DACH2: variants seen among roughly 807,000 people sequenced by gnomAD.
DACH2 encodes dachshund homolog 2.
Under a neutral mutation model 35.8 loss-of-function variants are expected in DACH2, and 17 were observed. That is an observed-to-expected ratio of 0.48 (90% CI 0.33 to 0.71). The LOEUF (loss-of-function observed/expected upper bound fraction) is 0.71. Ranked by LOEUF, DACH2 falls within the 30% of genes least tolerant of loss-of-function variation. The pLI is 0.02. For synonymous variants in DACH2, 195 were observed against 177.3 expected (o/e 1.10, Z -0.79); for missense variants, 469 against 472.7 (o/e 0.99, Z 0.07).
intron 1 of DACH2, among the ~76,000 whole-genome samples, chrX:86,298,389 A>G (rs1361806061): frequency 1.8e-5 from 2 of 112,016 alleles, no homozygotes; most frequent in Non-Finnish European, 3.8e-5. Flanking sequence ...ACTGACTAAT[A>G]TGAATATTGT....
chrX:86,739,474 A>AT (rs762466474), intron 6 of DACH2, among the ~76,000 whole-genome samples: 4 of 111,884 alleles, frequency 3.6e-5, no homozygotes, highest in Admixed American at 9.5e-5. Context: ...TCATTTATGA[A>AT]TTTTTTAGCA....
intron 1 of DACH2, among the ~76,000 whole-genome samples, chrX:86,359,621 C>T (rs776740036): frequency 9.4e-4 from 104 of 110,893 alleles, no homozygotes; most frequent in African/African-American, 3.1e-3. Flanking sequence ...CAGTGGTGCA[C>T]GTCTGTAGTC....
At chrX:86,313,124 C>T (rs1000086556) in intron 1 of DACH2, among the ~76,000 whole-genome samples, 8 of 110,884 alleles carry the variant, frequency 7.2e-5, no homozygotes, top group Non-Finnish European at 1.5e-4. Flanking sequence ...ATAATATATA[C>T]ATGTATTGAA....
intron 2 of DACH2, among the ~76,000 whole-genome samples, chrX:86,445,533 G>GAAAAAAAAA (rs200382737): frequency 2.6e-4 from 6 of 23,421 alleles, no homozygotes; most frequent in Non-Finnish European, 5.3e-4. Context: ...AGAAAAAAAA[G>GAAAAAAAAA]AAAAAAAAAA....
chrX:86,174,178 A>G (rs1252423674), intron 1 of DACH2, among the ~76,000 whole-genome samples: 6 of 96,837 alleles, frequency 6.2e-5, no homozygotes, highest in African/African-American at 2.4e-4. Context: ...GCTGGAGTGC[A>G]GTGGCATGAT....
intron 1 of DACH2, among the ~76,000 whole-genome samples, chrX:86,324,339 G>A (rs759623086): frequency 1.8e-5 from 2 of 111,202 alleles, no homozygotes; most frequent in African/African-American, 3.3e-5. Flanking sequence ...AAAGACAGTG[G>A]TTTCTTGAGA....
chrX:86,537,647 C>A (rs1379170820), intron 3 of DACH2, among the ~76,000 whole-genome samples: 1 of 111,675 alleles, frequency 9.0e-6, no homozygotes, highest in Non-Finnish European at 1.9e-5. Context: ...ACACAGCAAC[C>A]TGAATTCTTT....
chrX:86,679,470 T>C (rs1369676857), intron 4 of DACH2, among the ~76,000 whole-genome samples: 1 of 112,058 alleles, frequency 8.9e-6, no homozygotes, highest in Non-Finnish European at 1.9e-5. Flanking sequence ...ATGAAAACTT[T>C]AAAATGCCAA....
At chrX:86,293,813 C>T (rs1263405587) in intron 1 of DACH2, among the ~76,000 whole-genome samples, 3 of 111,201 alleles carry the variant, frequency 2.7e-5, no homozygotes, top group East Asian at 2.8e-4. Context: ...TGATGGGCTT[C>T]CCTTTGAGGG....
chrX:86,301,943 G>A lies in DACH2; in HGVS notation c.489-74881G>A, dbSNP rs186295273. 1.2e-4 allele frequency among the ~76,000 whole-genome samples: 13 copies of A among 110,900 alleles called. No homozygotes were observed. The East Asian group carries it at 3.4e-3, about 29-fold the overall frequency. The stretch of plus-strand genomic sequence containing the variant: ...TCTTTCTCTTCTGCTGTTTTACAAA[G>A]CCTTAAAATAAATAAGGAGAATTTG... On this transcript the variant is annotated intron_variant, in intron 1 of 11. Transcript: ENST00000373125.
At chrX:86,497,294 T>A (rs2038186116) in intron 2 of DACH2, among the ~76,000 whole-genome samples, 1 of 111,967 alleles carries the variant, frequency 8.9e-6, no homozygotes, top group South Asian at 3.8e-4. Context: ...CCTTACAATA[T>A]TGGTTTTAAC....
chrX:86,641,533 A>G (rs1478735174), intron 3 of DACH2, among the ~76,000 whole-genome samples: 3 of 112,425 alleles, frequency 2.7e-5, no homozygotes, highest in African/African-American at 9.7e-5. Context: ...TATATATTTC[A>G]GAAGATTGTT....
chrX:86,414,378 A>G (rs1231190742), intron 2 of DACH2, among the ~76,000 whole-genome samples: 1 of 111,499 alleles, frequency 9.0e-6, no homozygotes, highest in Non-Finnish European at 1.9e-5. Flanking sequence ...GCTGTCCATT[A>G]TGGTTACTAT....
chrX:86,563,294 A>G (rs1376188837), intron 3 of DACH2, among the ~76,000 whole-genome samples: 2 of 109,978 alleles, frequency 1.8e-5, no homozygotes, highest in African/African-American at 3.3e-5. Flanking sequence ...TATAGCACCA[A>G]TGAAGACATA....
chrX:86,495,895 A>T (rs1178281821), intron 2 of DACH2, among the ~76,000 whole-genome samples: 1 of 111,465 alleles, frequency 9.0e-6, no homozygotes, highest in Non-Finnish European at 1.9e-5. Context: ...CTTTTCTAAA[A>T]AATGGAACAA....
intron 1 of DACH2, among the ~76,000 whole-genome samples, chrX:86,241,324 G>A (rs2033161694): frequency 8.9e-6 from 1 of 112,120 alleles, no homozygotes; most frequent in Non-Finnish European, 1.9e-5. Context: ...CTATGCTGTA[G>A]CAAAGGGACT....
At chrX:86,827,703 A>G (rs1455726022) in intron 11 of DACH2, 1 of 1,007,629 alleles carries the variant, frequency 9.9e-7, no homozygotes, top group Admixed American at 2.6e-5. Flanking sequence ...TGCATTGAGT[A>G]GATTTTGAAT....
intron 3 of DACH2, among the ~76,000 whole-genome samples, chrX:86,607,640 A>G (rs976949737): frequency 9.2e-6 from 1 of 108,552 alleles, no homozygotes; most frequent in Non-Finnish European, 1.9e-5. Flanking sequence ...CATGTTCACA[A>G]TGTGCAGGTT....
At chrX:86,577,042 T>A (rs1003934892) in intron 3 of DACH2, among the ~76,000 whole-genome samples, 1 of 112,262 alleles carries the variant, frequency 8.9e-6, no homozygotes, top group Non-Finnish European at 1.9e-5. Context: ...GGTATTCATT[T>A]ATTGCAACAC....
Sources: allele counts gnomAD v4.1 joint callset (sites outside exome capture counted in the v4.1 genomes callset), GRCh38; gene constraint gnomAD v4.1.1; transcripts MANE v1.5; gene names NCBI Gene and HGNC (gene_info 2026-07-23, HGNC 2026-07-21).